The following CSGALNACT1 variants were observed in gnomAD, a reference collection of about 807,000 sequenced individuals.
The protein encoded by CSGALNACT1 is beta4GalNAcT-1.
Under a neutral mutation model 51.0 loss-of-function variants are expected in CSGALNACT1, and 52 were observed. The ratio of observed to expected loss-of-function variants is 1.02; its 90% CI spans 0.82 to 1.29. CSGALNACT1 has a LOEUF of 1.29. Among genes scored for constraint, CSGALNACT1 ranks in the 50% most tolerant of loss-of-function variants. CSGALNACT1 has a pLI of 0.00. For synonymous variants in CSGALNACT1, 341 were observed against 254.4 expected (o/e 1.34, Z -3.24); for missense variants, 935 against 679.2 (o/e 1.38, Z -4.19).
At chr8:19,440,711 T>C (rs1297667287) in intron 5 of CSGALNACT1, among the ~76,000 whole-genome samples, 1 of 151,800 alleles carries the variant, frequency 6.6e-6, no homozygotes, top group Admixed American at 6.6e-5. Context: ...TTGGAAGTTC[T>C]GGCCAGGGCA....
intron 1 of CSGALNACT1, among the ~76,000 whole-genome samples, chr8:19,629,115 G>A (rs1258552754): frequency 6.6e-6 from 1 of 152,188 alleles, no homozygotes; most frequent in African/African-American, 2.4e-5. Flanking sequence ...GAAATCAAGA[G>A]AGTAGTTTAA....
intron 3 of CSGALNACT1, among the ~76,000 whole-genome samples, chr8:19,517,732 C>T (rs533575984): frequency 1.3e-5 from 2 of 152,228 alleles, no homozygotes; most frequent in African/African-American, 4.8e-5. Flanking sequence ...CATCAGATCT[C>T]CTGAGACTTA....
chr8:19,569,400 T>C (rs2042539657), intron 3 of CSGALNACT1, among the ~76,000 whole-genome samples: 1 of 152,204 alleles, frequency 6.6e-6, no homozygotes, highest in South Asian at 2.1e-4. Context: ...GCAGGAGTGA[T>C]GCTTTGTCCT....
chr8:19,577,401 C>CAAAAAAAAA (rs111734132), intron 3 of CSGALNACT1, among the ~76,000 whole-genome samples: 1 of 104,266 alleles, frequency 9.6e-6, no homozygotes, highest in African/African-American at 4.3e-5. Context: ...CCCACCTCTA[C>CAAAAAAAAA]AAAAAAAAAA....
chr8:19,451,639 C>A (rs1472323798), intron 5 of CSGALNACT1, among the ~76,000 whole-genome samples: 1 of 152,194 alleles, frequency 6.6e-6, no homozygotes, highest in African/African-American at 2.4e-5. Flanking sequence ...GCAGACCTAG[C>A]CTTCCCCAAG....
At position 19,634,171 on chromosome 8, in the gene CSGALNACT1, A is replaced by C. The variant is rs182670213; in HGVS notation, c.-543-32306T>G. On this transcript the variant is annotated intron_variant, in intron 1 of 9. Transcript: ENST00000332246. The stretch of plus-strand genomic sequence containing the variant: ...CGTCATATTTGTTCATTTTGAAAAC[A>C]TATTACTTTCATACACATAAAACGT... Among the ~76,000 whole-genome samples the C allele has an allele frequency of 2.4e-3, 364 of 152,350 alleles. 1 individual carries two copies. The highest frequency in any genetic ancestry group is 3.6e-3 in the Non-Finnish European group (243 of 68,030).
At chr8:19,559,435 C>G (rs2040208105) in intron 3 of CSGALNACT1, among the ~76,000 whole-genome samples, 1 of 152,154 alleles carries the variant, frequency 6.6e-6, no homozygotes, top group Admixed American at 6.5e-5. Flanking sequence ...TGCCTACCAT[C>G]CGCACTTCTA....
intron 1 of CSGALNACT1, among the ~76,000 whole-genome samples, chr8:19,750,858 C>T (rs777242189): frequency 2.6e-5 from 4 of 152,074 alleles, no homozygotes; most frequent in Non-Finnish European, 5.9e-5. Flanking sequence ...CCCACACACT[C>T]GATCTTATTC....
chr8:19,695,583 G>C (rs4922088), intron 1 of CSGALNACT1, among the ~76,000 whole-genome samples: 33,607 of 152,092 alleles, frequency 0.22, 3,931 homozygotes, highest in Admixed American at 0.29. Flanking sequence ...TAAAATTAAA[G>C]CATGATGAAA....
chr8:19,494,094 A>G (rs149576490), intron 4 of CSGALNACT1, among the ~76,000 whole-genome samples: 1 of 152,376 alleles, frequency 6.6e-6, no homozygotes, highest in Non-Finnish European at 1.5e-5. Flanking sequence ...ACACTTAGGT[A>G]GCACACAAAA....
intron 6 of CSGALNACT1, among the ~76,000 whole-genome samples, chr8:19,424,769 CAAACACAA>C (rs769125264): frequency 1.6e-4 from 24 of 152,296 alleles, no homozygotes; most frequent in Non-Finnish European, 2.4e-4. Flanking sequence ...CAGAACCATT[CAAACACAA>C]TGACACACTT....
At chr8:19,756,083 C>A (rs1418103331) in intron 1 of CSGALNACT1, among the ~76,000 whole-genome samples, 4 of 152,152 alleles carry the variant, frequency 2.6e-5, no homozygotes, top group Non-Finnish European at 4.4e-5. Flanking sequence ...GTTTGAAGGA[C>A]CTTTCTCCCT....
At chr8:19,727,469 C>T (rs1293307987) in intron 1 of CSGALNACT1, among the ~76,000 whole-genome samples, 2 of 152,138 alleles carry the variant, frequency 1.3e-5, no homozygotes, top group African/African-American at 4.8e-5. Context: ...TCCAACTCAG[C>T]TTCCCAAGCA....
chr8:19,687,236 T>A (rs557737847), upstream of CSGALNACT1, among the ~76,000 whole-genome samples: 8 of 152,286 alleles, frequency 5.3e-5, no homozygotes, highest in Admixed American at 4.6e-4. Flanking sequence ...CCTACCAACC[T>A]CTTGACAAAT....
rs536547023 is a variant in CSGALNACT1, at chr8:19,619,646, G to C, written c.-543-17781C>G. Reference sequence around the variant, plus strand: ...GATTGTTGTCACATAGGGTAAGGAAGACGAAGGAGTGTTTCCAAAATTTAA... The same window carrying C: ...GATTGTTGTCACATAGGGTAAGGAACACGAAGGAGTGTTTCCAAAATTTAA... On this transcript the variant is annotated intron_variant, in intron 1 of 9. Coordinates refer to the CSGALNACT1 transcript ENST00000332246. Among the ~76,000 whole-genome samples, 298 of 152,306 alleles carry C rather than the reference G, an allele frequency of 2.0e-3. 2 individuals are homozygous for C. The highest frequency in any genetic ancestry group is 6.9e-3 in the African/African-American group (288 of 41,558).
intron 1 of CSGALNACT1, among the ~76,000 whole-genome samples, chr8:19,631,931 A>G (rs1043685247): frequency 6.6e-6 from 1 of 152,188 alleles, no homozygotes; most frequent in Non-Finnish European, 1.5e-5. Context: ...ATGTTCTCTC[A>G]CATTTTTTAT....
intron 1 of CSGALNACT1, among the ~76,000 whole-genome samples, chr8:19,664,562 G>C (rs2059025137): frequency 6.6e-6 from 1 of 152,076 alleles, no homozygotes; most frequent in African/African-American, 2.4e-5. Flanking sequence ...GTTCACAACA[G>C]CAAAGATATG....
chr8:19,546,035 A>G lies in CSGALNACT1; in HGVS notation c.-296-39905T>C, dbSNP rs369435802. On this transcript the variant is annotated intron_variant, in intron 3 of 9. Transcript: ENST00000454498. ...AGAAAATTTAGGTCATACAGTTGTCATACCATTAGATCAAATTTTAATAGT... is the reference window on the plus strand; with the variant it reads ...AGAAAATTTAGGTCATACAGTTGTCGTACCATTAGATCAAATTTTAATAGT... Among the ~76,000 whole-genome samples the G allele has an allele frequency of 7.2e-5, 11 of 152,092 alleles. No individual in the cohort carries two copies. In the East Asian group the frequency reaches 1.9e-3, roughly 27 times the overall value.
chr8:19,593,536 A>G (rs2048277219), intron 2 of CSGALNACT1, among the ~76,000 whole-genome samples: 1 of 152,176 alleles, frequency 6.6e-6, no homozygotes, highest in African/African-American at 2.4e-5. Flanking sequence ...GGCCATCTGC[A>G]GGTTCTAGAT....
Sources: allele counts gnomAD v4.1 joint callset (sites outside exome capture counted in the v4.1 genomes callset), GRCh38; gene constraint gnomAD v4.1.1; transcripts MANE v1.5; gene names NCBI Gene and HGNC (gene_info 2026-07-23, HGNC 2026-07-21).